Variants in XPOT observed in about 807,000 individuals in gnomAD.
The protein encoded by XPOT is exportin-T.
XPOT carries 34 observed loss-of-function variants against 128.2 expected under a neutral mutation model. The observed-to-expected ratio is 0.27, with a 90% CI of 0.20 to 0.35. The LOEUF (loss-of-function observed/expected upper bound fraction) is 0.35. Ranked by LOEUF, XPOT falls within the 10% of genes least tolerant of loss-of-function variation. The probability of loss-of-function intolerance (pLI) is 1.00; values close to 1 mark genes in which losing one functional copy is unlikely to be tolerated. For missense variants in XPOT, 838 were observed against 1,125.3 expected, an observed-to-expected ratio of 0.74 and a Z score of 3.65; for synonymous variants, 348 against 394.3, an observed-to-expected ratio of 0.88 and a Z score of 1.39.
intron 1 of XPOT, among the ~76,000 whole-genome samples, chr12:64,409,106 A>G (rs892289000): frequency 6.6e-6 from 1 of 152,066 alleles, no homozygotes; most frequent in African/African-American, 2.4e-5. Context: ...CTGGTTTTTC[A>G]TTATCCTGTT....
At position 64,421,234 on chromosome 12, in the gene XPOT, GGAA is replaced by G; in HGVS notation, c.849_851del (p.Glu283del). ...CAGAGATGTGTCTTGATTGCTTATAGGAAGAAGATGTTGACTTCCTGGCCAGAT... is the reference window on the plus strand; with the variant it reads ...CAGAGATGTGTCTTGATTGCTTATAGGAAGATGTTGACTTCCTGGCCAGAT... On this transcript the variant is annotated inframe_deletion and splice_region_variant, in exon 9 of 25. Coordinates refer to ENST00000332707, the MANE Select transcript of XPOT (RefSeq NM_007235.6). 6.2e-7 allele frequency: 1 copy of G among 1,611,430 alleles called. No individual in the cohort carries two copies. Among genetic ancestry groups the G allele is most frequent in the Non-Finnish European group, 8.5e-7 (1 of 1,177,682 alleles).
intron 6 of XPOT, among the ~76,000 whole-genome samples, chr12:64,419,492 A>AT (rs1222008307): frequency 6.6e-6 from 1 of 151,820 alleles, no homozygotes; most frequent in Admixed American, 6.6e-5. Flanking sequence ...TAATTTTTGT[A>AT]TTTTTTGTAG....
chr12:64,425,668 T>C, intron 14 of XPOT, 147 bp from the exon 15 acceptor site: 1 of 965,690 alleles, frequency 1.0e-6, no homozygotes, highest in Admixed American at 2.2e-5. Flanking sequence ...GGACTGTTTG[T>C]GTGTAGTTTA....
At position 64,425,059 on chromosome 12, in the gene XPOT, T is replaced by C. The variant is rs984327452; in HGVS notation, c.1329T>C (p.Phe443=). The C allele has an allele frequency of 6.2e-7, 1 of 1,612,788 alleles. No homozygotes were observed. The highest frequency in any genetic ancestry group is 8.5e-7 in the Non-Finnish European group (1 of 1,179,970). The change falls in exon 13 of 25, where the codon TTT becomes TTC. Residue 443 remains phenylalanine, a synonymous_variant. Coordinates refer to ENST00000332707, the MANE Select transcript of XPOT (RefSeq NM_007235.6). ...STLQNWQTTR[F]MEVEVAIRLL... The stretch of plus-strand genomic sequence containing the variant: ...GTAGGAATTGGCAGACTACACGGTT[T>C]ATGGAAGTTGAAGTAGCAATAAGAT...
At chr12:64,426,377 C>G (rs1393558279) in intron 15 of XPOT, among the ~76,000 whole-genome samples, 1 of 151,434 alleles carries the variant, frequency 6.6e-6, no homozygotes, top group South Asian at 2.1e-4. Context: ...AGAACAAAAT[C>G]ATGTCCTTTA....
At chr12:64,430,643 G>T (rs1334692011) in intron 17 of XPOT, among the ~76,000 whole-genome samples, 1 of 152,160 alleles carries the variant, frequency 6.6e-6, no homozygotes, top group Non-Finnish European at 1.5e-5. Context: ...TTTCTCTTCA[G>T]TTGTATTGTG....
chr12:64,432,692 A>T (rs2040249631), intron 18 of XPOT, among the ~76,000 whole-genome samples: 1 of 152,242 alleles, frequency 6.6e-6, no homozygotes, highest in African/African-American at 2.4e-5. Context: ...CCAAGAGTTC[A>T]TAAAACTCAG....
At chr12:64,426,946 G>T (rs961894003) in intron 15 of XPOT, among the ~76,000 whole-genome samples, 1 of 151,634 alleles carries the variant, frequency 6.6e-6, no homozygotes, top group Non-Finnish European at 1.5e-5. Context: ...TCGTGCCATT[G>T]CACTCCAGCC....
chr12:64,406,619 C>G (rs1485340746), intron 1 of XPOT, among the ~76,000 whole-genome samples: 2 of 151,386 alleles, frequency 1.3e-5, no homozygotes, highest in African/African-American at 4.9e-5. Flanking sequence ...TCTGCGCCCC[C>G]CTCCCCTCGG....
intron 1 of XPOT, among the ~76,000 whole-genome samples, chr12:64,409,099 G>A (rs2040011222): frequency 6.6e-6 from 1 of 152,118 alleles, no homozygotes; most frequent in East Asian, 1.9e-4. Context: ...TAAATGACTG[G>A]TTTTTCATTA....
chr12:64,426,767 A>C (rs961417294), intron 15 of XPOT, among the ~76,000 whole-genome samples: 2 of 152,078 alleles, frequency 1.3e-5, no homozygotes, highest in African/African-American at 4.8e-5. Flanking sequence ...TGGATCACCT[A>C]AGATCAGGAG....
intron 18 of XPOT, among the ~76,000 whole-genome samples, chr12:64,432,998 G>A (rs903965815): frequency 4.6e-5 from 7 of 152,120 alleles, no homozygotes; most frequent in Non-Finnish European, 8.8e-5. Flanking sequence ...GGAGTGCAGT[G>A]GTATGATCTT....
In XPOT at chr12:64,421,567, A is replaced by G. The variant is rs1303935931; in HGVS notation, c.1080+96A>G. On this transcript the variant is annotated intron_variant, in intron 9 of 24. Coordinates refer to ENST00000332707, the MANE Select transcript of XPOT (RefSeq NM_007235.6). ...AAAAATTAAAAATGAGAAAATACCC[A>G]TAATTCTACTACCTAAAGATATTTA... 6 of 766,350 alleles carry G rather than the reference A, an allele frequency of 7.8e-6. No homozygotes were observed. The East Asian group carries it at 1.0e-4, about 13-fold the overall frequency. 47.5% of individuals were successfully genotyped at this position (766,350 alleles called of 1,614,324 possible).
At chr12:64,434,966 C>G in intron 21 of XPOT, 57 bp downstream of exon 21, 1 of 1,364,632 alleles carries the variant, frequency 7.3e-7, no homozygotes, top group Non-Finnish European at 1.0e-6. Context: ...CCAATTTCTT[C>G]TTTAATGCCA....
At position 64,431,737 on chromosome 12, in the gene XPOT, G is replaced by C; in HGVS notation, c.2176G>C (p.Ala726Pro). ...EEEVLPFIPS[A>P]SEHMLKDCEA... ...AGAAGTTCTTCCGTTCATTCCATCTGCTTCAGAACATATGCTCAAAGATTG... is the reference window on the plus strand; with the variant it reads ...AGAAGTTCTTCCGTTCATTCCATCTCCTTCAGAACATATGCTCAAAGATTG... Residue 726 changes from alanine to proline, a missense_variant, in exon 18 of 25, where the codon GCT becomes CCT. Ala to Pro is a conservative substitution (Grantham distance 27). Coordinates refer to ENST00000332707, the MANE Select transcript of XPOT (RefSeq NM_007235.6). 3 of 1,614,058 alleles carry C rather than the reference G, an allele frequency of 1.9e-6. No homozygotes were observed. Among genetic ancestry groups the C allele is most frequent in the Non-Finnish European group, 2.5e-6 (3 of 1,179,980 alleles).
intron 2 of XPOT, among the ~76,000 whole-genome samples, chr12:64,413,308 G>A (rs1272938058): frequency 6.6e-6 from 1 of 152,036 alleles, no homozygotes; most frequent in African/African-American, 2.4e-5. Context: ...CCACTATGTT[G>A]CCCAGGCTAG....
Position 64,431,399 on chromosome 12 carries a change from A to C in XPOT, c.1977-139A>C. 3.8e-6 allele frequency: 3 copies of C among 783,232 alleles called. No homozygotes were observed. In the East Asian group the frequency reaches 7.9e-5, roughly 21 times the overall value. 48.5% of individuals were successfully genotyped at this position (783,232 alleles called of 1,614,324 possible). On this transcript the variant is annotated intron_variant, in intron 17 of 24. Transcript: ENST00000332707. ...AATAGCCATATTAGCTAAAGATGGA[A>C]GTAATTGTGATGTGGAAAATAAAGG...
chr12:64,425,442 C>T lies in XPOT; in HGVS notation c.1557C>T (p.His519=), dbSNP rs779094810. Residue 519 remains histidine (H), a synonymous_variant, in exon 14 of 25, where the codon CAC becomes CAT. Transcript: ENST00000332707. ...YEKFFTVEPQ[H]IPCVLMAFLD... ...AGTTTTTCACAGTTGAACCTCAGCACATTCCATGTGTACTAGTAAGTACTC... is the reference window on the plus strand; with the variant it reads ...AGTTTTTCACAGTTGAACCTCAGCATATTCCATGTGTACTAGTAAGTACTC... The T allele has an allele frequency of 3.7e-6, 6 of 1,613,972 alleles. No individual in the cohort carries two copies. The highest frequency in any genetic ancestry group is 1.7e-5 in the Admixed American group (1 of 60,006).
At chr12:64,447,998 A>AATGTTAC in intron 24 of XPOT, 107 bp from the exon 25 acceptor site, 1 of 1,017,170 alleles carries the variant, frequency 9.8e-7, no homozygotes, top group Non-Finnish European at 1.6e-6. Context: ...GAAATGTTCT[A>AATGTTAC]ATGTTACAGA....
Sources: allele counts gnomAD v4.1 joint callset (sites outside exome capture counted in the v4.1 genomes callset), GRCh38; gene constraint gnomAD v4.1.1; transcripts MANE v1.5; gene names NCBI Gene and HGNC (gene_info 2026-07-23, HGNC 2026-07-21).